MCCC2: variants seen among roughly 807,000 people sequenced by gnomAD.
The protein encoded by MCCC2 is methylcrotonoyl-CoA carboxylase beta chain, mitochondrial.
MCCC2 carries 52 observed loss-of-function variants against 77.2 expected under a neutral mutation model. The ratio of observed to expected loss-of-function variants is 0.67; its 90% CI spans 0.54 to 0.85. The LOEUF (loss-of-function observed/expected upper bound fraction) is 0.85. MCCC2 is among the 40% of genes least tolerant of loss of function. The pLI, the probability that MCCC2 is intolerant of heterozygous loss-of-function variation, is 0.00. For synonymous variants in MCCC2, 253 were observed against 248.4 expected (o/e 1.02, Z -0.18); for missense variants, 682 against 703.2 (o/e 0.97, Z 0.34).
chr5:71,617,558 T>G (rs542681398), intron 6 of MCCC2, among the ~76,000 whole-genome samples: 2 of 152,356 alleles, frequency 1.3e-5, no homozygotes, highest in South Asian at 4.1e-4. Context: ...TGATAGATAT[T>G]GAGTGGTTCT....
At chr5:71,622,560 A>C (rs1407162183) in intron 6 of MCCC2, among the ~76,000 whole-genome samples, 9 of 152,170 alleles carry the variant, frequency 5.9e-5, no homozygotes, top group Admixed American at 5.9e-4. Context: ...CCCCAATAGC[A>C]GTCACTCCCC....
At chr5:71,651,114 A>G (rs999070420) in intron 15 of MCCC2, among the ~76,000 whole-genome samples, 1 of 152,222 alleles carries the variant, frequency 6.6e-6, no homozygotes, top group Non-Finnish European at 1.5e-5. Flanking sequence ...TAAGTATCTG[A>G]GGCATAAAGA....
chr5:71,629,642 A>C (rs1294410735), intron 7 of MCCC2, among the ~76,000 whole-genome samples: 1 of 152,088 alleles, frequency 6.6e-6, no homozygotes. Flanking sequence ...GAGGGTGTTA[A>C]TTTTTAATAA....
chr5:71,609,792 G>T (rs1219823373), intron 6 of MCCC2, among the ~76,000 whole-genome samples: 1 of 152,018 alleles, frequency 6.6e-6, no homozygotes, highest in Non-Finnish European at 1.5e-5. Context: ...TAACAGACAG[G>T]ACCCTCAGCT....
intron 15 of MCCC2, among the ~76,000 whole-genome samples, chr5:71,651,394 T>A (rs1747433976): frequency 6.6e-6 from 1 of 152,242 alleles, no homozygotes; most frequent in Non-Finnish European, 1.5e-5. Flanking sequence ...CTTTTGTTTG[T>A]GTCTCTGTTG....
At chr5:71,626,871 C>G in intron 7 of MCCC2, 118 bp downstream of exon 7, 1 of 981,554 alleles carries the variant, frequency 1.0e-6, no homozygotes, top group South Asian at 1.4e-5. Flanking sequence ...TAACATAAAA[C>G]TTACTGTTGT....
In MCCC2 at chr5:71,602,594, GA is replaced by G. The variant is rs1202590648; in HGVS notation, c.475del (p.Ile159LeufsTer12). On this transcript the variant is annotated frameshift_variant, in exon 5 of 17. Coordinates refer to ENST00000340941, the MANE Select transcript of MCCC2 (RefSeq NM_022132.5). LOFTEE classifies it high-confidence loss of function. ...TGTGAAAAAACAATTACGGGCCCAAGAAATTGCCATGCAAAACAGGCTCCCC... is the reference window on the plus strand; with the variant it reads ...TGTGAAAAAACAATTACGGGCCCAAGAATTGCCATGCAAAACAGGCTCCCC... ...VTVKKQLRAQEIAMQNRLPCI... is the reference protein window; with the variant it reads ...VTVKKQLRAQXIAMQNRLPCI... The G allele has an allele frequency of 6.2e-7, 1 of 1,614,146 alleles. No homozygotes were observed. Among genetic ancestry groups the G allele is most frequent in the Non-Finnish European group, 8.5e-7 (1 of 1,180,028 alleles).
chr5:71,633,133 T>TATATATA lies in MCCC2; in HGVS notation c.803+948_803+949insATATATA, dbSNP rs1561841506. ...TATATATATATATATATATATATAT[T>TATATATA]TTTATTTTTTGTAGAAACAGGTGTC... On this transcript the variant is annotated intron_variant, in intron 8 of 16. Coordinates refer to ENST00000340941, the MANE Select transcript of MCCC2 (RefSeq NM_022132.5). 1.2e-4 allele frequency among the ~76,000 whole-genome samples: 14 copies of TATATATA among 113,008 alleles called. 1 individual carries two copies. The highest frequency in any genetic ancestry group is 5.9e-4 in the African/African-American group (14 of 23,578). 74.1% of individuals were successfully genotyped at this position (113,008 alleles called of 152,430 possible).
At chr5:71,642,346 T>A (rs1169351829) in intron 11 of MCCC2, among the ~76,000 whole-genome samples, 6 of 152,120 alleles carry the variant, frequency 3.9e-5, no homozygotes, top group Non-Finnish European at 5.9e-5. Flanking sequence ...TTTTTCTGGT[T>A]CTCAAATGTC....
rs1747594311 is a variant in MCCC2, at chr5:71,656,828, G to C, written c.1660G>C (p.Glu554Gln). Reference sequence around the variant, plus strand: ...TAGTGCAGCCCTCAACGCACCAATAGAGAAGACTGACTTCGGTATCTTCAG... The same window carrying C: ...TAGTGCAGCCCTCAACGCACCAATACAGAAGACTGACTTCGGTATCTTCAG... ...SFSAALNAPI[E>Q]KTDFGIFRM The change falls in exon 17 of 17, where the codon GAG becomes CAG. Residue 554 changes from glutamate (E) to glutamine (Q), a missense_variant. Coordinates refer to ENST00000340941, the MANE Select transcript of MCCC2 (RefSeq NM_022132.5). 1.2e-6 allele frequency: 2 copies of C among 1,614,048 alleles called. No homozygotes were observed. The highest frequency in any genetic ancestry group is 1.7e-6 in the Non-Finnish European group (2 of 1,179,918).
At chr5:71,632,065 G>A (rs1246422407) in intron 7 of MCCC2, 56 bp from the exon 8 acceptor site, 3 of 1,488,204 alleles carry the variant, frequency 2.0e-6, no homozygotes, top group Admixed American at 1.7e-5. Context: ...TGTTGGGGAA[G>A]CATTTTTATA....
At chr5:71,649,073 C>G in intron 13 of MCCC2, 24 bp from the exon 14 acceptor site, 1 of 1,613,922 alleles carries the variant, frequency 6.2e-7, no homozygotes, top group East Asian at 2.2e-5. Flanking sequence ...CACCCAGAGG[C>G]TCTCTTTCTG....
chr5:71,650,938 C>T (rs909383989), intron 15 of MCCC2, among the ~76,000 whole-genome samples: 6 of 152,278 alleles, frequency 3.9e-5, no homozygotes, highest in Admixed American at 2.0e-4. Context: ...CTTGAGCCAC[C>T]GCGCCCGGCC....
chr5:71,631,050 TG>T (rs1746689043), intron 7 of MCCC2, among the ~76,000 whole-genome samples: 1 of 152,242 alleles, frequency 6.6e-6, no homozygotes, highest in Non-Finnish European at 1.5e-5. Flanking sequence ...TGTTTCTTTT[TG>T]GCCACATTCT....
intron 6 of MCCC2, among the ~76,000 whole-genome samples, chr5:71,621,029 A>G (rs146187946): frequency 0.029 from 4,484 of 152,272 alleles, 97 homozygotes; most frequent in South Asian, 0.079. Flanking sequence ...GCCACATCAC[A>G]AGCCAAATCT....
chr5:71,599,796 A>G (rs1400177000), intron 4 of MCCC2, 36 bp downstream of exon 4: 2 of 1,547,092 alleles, frequency 1.3e-6, no homozygotes, highest in Non-Finnish European at 1.8e-6. Flanking sequence ...ATGTGGGTTG[A>G]GAAGAAGACT....
At chr5:71,619,848 G>A (rs923919088) in intron 6 of MCCC2, among the ~76,000 whole-genome samples, 4 of 152,016 alleles carry the variant, frequency 2.6e-5, no homozygotes, top group Admixed American at 6.6e-5. Context: ...AAAATTAGCC[G>A]GGCATGGTGG....
At chr5:71,650,990 G>A (rs1747423389) in intron 15 of MCCC2, among the ~76,000 whole-genome samples, 1 of 151,762 alleles carries the variant, frequency 6.6e-6, no homozygotes. Flanking sequence ...TCACTATGTT[G>A]GCCAGGCTGC....
At chr5:71,647,839 C>T (rs1747312590) in intron 13 of MCCC2, among the ~76,000 whole-genome samples, 1 of 151,650 alleles carries the variant, frequency 6.6e-6, no homozygotes, top group Non-Finnish European at 1.5e-5. Context: ...CATGATTATG[C>T]AGTTTTCTTA....
Sources: allele counts gnomAD v4.1 joint callset (sites outside exome capture counted in the v4.1 genomes callset), GRCh38; gene constraint gnomAD v4.1.1; transcripts MANE v1.5; gene names NCBI Gene and HGNC (gene_info 2026-07-23, HGNC 2026-07-21).